Variants in PPP2R2B observed in about 807,000 individuals in gnomAD.
PPP2R2B encodes protein phosphatase 2 regulatory subunit Bbeta, also known as serine/threonine-protein phosphatase 2A 55 kDa regulatory subunit B beta isoform.
PPP2R2B carries 5 observed loss-of-function variants against 46.0 expected under a neutral mutation model. The ratio of observed to expected loss-of-function variants is 0.11; its 90% CI spans 0.06 to 0.23. PPP2R2B has a LOEUF of 0.23. Among genes scored for constraint, PPP2R2B ranks in the 10% least tolerant of loss-of-function variants. PPP2R2B has a pLI of 1.00. For missense variants in PPP2R2B, 367 were observed against 575.0 expected (o/e 0.64, Z 3.70); for synonymous variants, 215 against 206.7 (o/e 1.04, Z -0.34).
intron 2 of PPP2R2B, among the ~76,000 whole-genome samples, chr5:146,718,051 A>T (rs1362691755): frequency 6.6e-6 from 1 of 152,024 alleles, no homozygotes; most frequent in African/African-American, 2.4e-5. Context: ...GTTTATTGTT[A>T]ATGTCTGTCT....
At chr5:146,760,889 T>C (rs1477815823) in intron 2 of PPP2R2B, among the ~76,000 whole-genome samples, 2 of 152,160 alleles carry the variant, frequency 1.3e-5, no homozygotes, top group Non-Finnish European at 2.9e-5. Context: ...AAGACATTTA[T>C]GCAGCCAAAA....
intron 2 of PPP2R2B, among the ~76,000 whole-genome samples, chr5:146,728,635 C>T (rs1752031543): frequency 6.6e-6 from 1 of 152,090 alleles, no homozygotes; most frequent in African/African-American, 2.4e-5. Context: ...CTAGAATTCC[C>T]ATGTGTTGTG....
chr5:146,920,654 A>G (rs961371204), intron 1 of PPP2R2B, among the ~76,000 whole-genome samples: 4 of 152,172 alleles, frequency 2.6e-5, no homozygotes, highest in African/African-American at 9.7e-5. Flanking sequence ...ACGTGTGTAC[A>G]TGGAAGGAAG....
At chr5:146,825,643 A>G (rs1758532486) in intron 2 of PPP2R2B, among the ~76,000 whole-genome samples, 1 of 152,238 alleles carries the variant, frequency 6.6e-6, no homozygotes, top group Admixed American at 6.5e-5. Context: ...TCCACCTATT[A>G]GCTGATAACC....
intron 1 of PPP2R2B, among the ~76,000 whole-genome samples, chr5:146,910,521 C>T (rs1763141304): frequency 6.6e-6 from 1 of 152,104 alleles, no homozygotes; most frequent in Non-Finnish European, 1.5e-5. Context: ...TTACTCTAGT[C>T]CTGGGAAGAT....
At chr5:146,980,163 G>A (rs1753103120) in intron 1 of PPP2R2B, among the ~76,000 whole-genome samples, 1 of 152,070 alleles carries the variant, frequency 6.6e-6, no homozygotes. Context: ...TGTAGAACAT[G>A]ACTTCATTGT....
chr5:146,692,666 T>C (rs1366309871), intron 4 of PPP2R2B, among the ~76,000 whole-genome samples: 1 of 151,252 alleles, frequency 6.6e-6, no homozygotes, highest in Non-Finnish European at 1.5e-5. Context: ...CCTGAGTAGG[T>C]GGGACTACAG....
chr5:146,758,843 A>C (rs536608105), intron 2 of PPP2R2B, among the ~76,000 whole-genome samples: 135 of 152,288 alleles, frequency 8.9e-4, no homozygotes, highest in Non-Finnish European at 1.6e-3. Flanking sequence ...TCACAGCTAC[A>C]TTTATGATAG....
chr5:147,071,525 ACTGGC>A (rs1757598365), intron 2 of PPP2R2B, among the ~76,000 whole-genome samples: 1 of 152,128 alleles, frequency 6.6e-6, no homozygotes, highest in Non-Finnish European at 1.5e-5. Flanking sequence ...CTTCAGACAC[ACTGGC>A]CACAAGTCCA....
At chr5:147,012,563 TTG>T (rs1318778699) in intron 1 of PPP2R2B, among the ~76,000 whole-genome samples, 5 of 152,210 alleles carry the variant, frequency 3.3e-5, no homozygotes, top group African/African-American at 1.2e-4. Flanking sequence ...AAGGGATTTT[TTG>T]TGTCTCTATT....
intron 1 of PPP2R2B, among the ~76,000 whole-genome samples, chr5:146,966,947 A>G (rs1752445254): frequency 6.6e-6 from 1 of 152,152 alleles, no homozygotes; most frequent in Non-Finnish European, 1.5e-5. Flanking sequence ...AATTTCAACA[A>G]GCATGGTTCC....
chr5:147,062,999 G>A (rs1347013190), intron 2 of PPP2R2B, among the ~76,000 whole-genome samples: 1 of 115,566 alleles, frequency 8.7e-6, no homozygotes, highest in Admixed American at 9.4e-5. Flanking sequence ...AGGGAGGGAG[G>A]GGGGAAGAAG....
At chr5:146,988,357 G>A (rs929918311) in intron 1 of PPP2R2B, among the ~76,000 whole-genome samples, 1 of 151,928 alleles carries the variant, frequency 6.6e-6, no homozygotes, top group Non-Finnish European at 1.5e-5. Flanking sequence ...AAGATAGAAT[G>A]TATTTTAGGC....
At chr5:146,876,581 A>G (rs1172998530) in intron 2 of PPP2R2B, among the ~76,000 whole-genome samples, 1 of 152,144 alleles carries the variant, frequency 6.6e-6, no homozygotes, top group Non-Finnish European at 1.5e-5. Flanking sequence ...AACATCTTAC[A>G]ATCAGGTTGC....
rs1054390477 is a variant in PPP2R2B at position 146,969,434 on chromosome 5, T to G, written c.79+86231A>C. On this transcript the variant is annotated intron_variant, in intron 1 of 8. Coordinates refer to the PPP2R2B transcript ENST00000336640. The stretch of plus-strand genomic sequence containing the variant: ...GAGGAGAGTACAAAGCCAGGACATA[T>G]AAACCATATCAAAAATAGTTTGTCT... Among the ~76,000 whole-genome samples the G allele has an allele frequency of 2.0e-5, 3 of 152,186 alleles. No individual in the cohort carries two copies. In the South Asian group the frequency reaches 6.2e-4, roughly 31 times the overall value.
intron 1 of PPP2R2B, among the ~76,000 whole-genome samples, chr5:147,021,872 G>C (rs528707825): frequency 6.6e-6 from 1 of 152,128 alleles, no homozygotes; most frequent in East Asian, 1.9e-4. Context: ...AAAATGATAA[G>C]GATGATGGAT....
intron 5 of PPP2R2B, among the ~76,000 whole-genome samples, chr5:146,668,367 T>C (rs1057281770): frequency 5.9e-5 from 9 of 152,340 alleles, no homozygotes; most frequent in Middle Eastern, 3.4e-3. Flanking sequence ...TGGAATGTTA[T>C]AATTGCCTTT....
intron 1 of PPP2R2B, chr5:146,918,025 C>T (rs1397217433): frequency 6.6e-6 from 1 of 152,194 alleles, no homozygotes; most frequent in Non-Finnish European, 1.5e-5. Flanking sequence ...CCTCACACTC[C>T]CTGCAGTCCC....
chr5:147,068,479 G>T (rs1484338125), intron 2 of PPP2R2B, among the ~76,000 whole-genome samples: 1 of 152,096 alleles, frequency 6.6e-6, no homozygotes, highest in African/African-American at 2.4e-5. Context: ...GAAAAAAAAT[G>T]TAAGTTTTTA....
Sources: allele counts gnomAD v4.1 joint callset (sites outside exome capture counted in the v4.1 genomes callset), GRCh38; gene constraint gnomAD v4.1.1; transcripts MANE v1.5; gene names NCBI Gene and HGNC (gene_info 2026-07-23, HGNC 2026-07-21).